Variants in PRKD1 observed in about 807,000 individuals in gnomAD.
The protein encoded by PRKD1 is serine/threonine-protein kinase D1.
PRKD1 carries 63 observed loss-of-function variants against 95.9 expected under a neutral mutation model. The observed-to-expected ratio is 0.66, with a 90% confidence interval of 0.54 to 0.81. The LOEUF (loss-of-function observed/expected upper bound fraction) is 0.81. PRKD1 is among the 30% of genes least tolerant of loss of function. The pLI is 0.00. For synonymous variants in PRKD1, 425 were observed against 423.1 expected (o/e 1.00, Z -0.05); for missense variants, 1,048 against 1,165.3 (o/e 0.90, Z 1.47).
At chr14:29,731,883 T>TTA (rs1555339686) in intron 1 of PRKD1, among the ~76,000 whole-genome samples, 2 of 118,200 alleles carry the variant, frequency 1.7e-5, no homozygotes, top group Admixed American at 8.0e-5. Context: ...TTTTTTTTTT[T>TTA]TTTTTTTTGA....
intron 7 of PRKD1, among the ~76,000 whole-genome samples, chr14:29,635,806 A>T (rs557518770): frequency 6.6e-6 from 1 of 152,292 alleles, no homozygotes; most frequent in East Asian, 1.9e-4. Context: ...AGTGGGGATC[A>T]TCCAGTAACC....
intron 1 of PRKD1, among the ~76,000 whole-genome samples, chr14:29,752,354 G>T (rs1436105345): frequency 6.6e-6 from 1 of 151,932 alleles, no homozygotes; most frequent in African/African-American, 2.4e-5. Flanking sequence ...TTTAACAAAA[G>T]GATAATAAAT....
rs192170996 is a variant in PRKD1 at position 29,781,169 on chromosome 14, T to C, written c.265-55495A>G. 6.1e-5 allele frequency among the ~76,000 whole-genome samples: 9 copies of C among 147,480 alleles called. No individual in the cohort carries two copies. The East Asian group carries it at 1.7e-3, about 28-fold the overall frequency. On this transcript the variant is annotated intron_variant, in intron 1 of 17. Transcript: ENST00000331968. ...TGGGGGGAGGGAGGAGGGATAGCAT[T>C]AGGAGATATACCTAATGTAAATGAC...
At chr14:29,647,251 T>A (rs1003627360) in intron 4 of PRKD1, among the ~76,000 whole-genome samples, 1 of 152,172 alleles carries the variant, frequency 6.6e-6, no homozygotes, top group African/African-American at 2.4e-5. Context: ...GCTAAAGTAA[T>A]CGTGGAAGTT....
rs1439278028 is a variant in PRKD1, at chr14:29,725,712, A to G, written c.265-38T>C. On this transcript the variant is annotated intron_variant, in intron 1 of 17. Coordinates refer to ENST00000331968, the MANE Select transcript of PRKD1 (RefSeq NM_002742.3). ...ATACCATGAGAGTGTAAATGTCAAA[A>G]TCCTTCCAAATATTTTGTTTTAAAT... 5.7e-6 allele frequency: 9 copies of G among 1,589,352 alleles called. No homozygotes were observed. The African/African-American group carries it at 8.1e-5, about 14-fold the overall frequency.
chr14:29,841,003 A>G (rs1373187206), intron 1 of PRKD1, among the ~76,000 whole-genome samples: 1 of 152,216 alleles, frequency 6.6e-6, no homozygotes, highest in Non-Finnish European at 1.5e-5. Flanking sequence ...CATGGAGTCA[A>G]AGAGGATCAT....
rs560725431 is a variant in PRKD1, at chr14:29,763,043, C to T, written c.265-37369G>A. Among the ~76,000 whole-genome samples, 73 of 148,850 alleles carry T rather than the reference C, an allele frequency of 4.9e-4. 3 individuals carry two copies. In the South Asian group the frequency reaches 0.015, roughly 30 times the overall value. ...ACAGGCATGAGCCACTGCACCCAGC[C>T]TATGCTAAGGTGTTTAAAAAGTAAA... On this transcript the variant is annotated intron_variant, in intron 1 of 17. Coordinates refer to ENST00000331968, the MANE Select transcript of PRKD1 (RefSeq NM_002742.3).
chr14:29,603,300 G>A (rs1893589613), intron 13 of PRKD1, among the ~76,000 whole-genome samples: 1 of 152,138 alleles, frequency 6.6e-6, no homozygotes, highest in East Asian at 1.9e-4. Context: ...TATTGTATAT[G>A]GTTGAGACAA....
At chr14:29,851,837 C>A (rs376704031) in intron 1 of PRKD1, among the ~76,000 whole-genome samples, 76 of 152,234 alleles carry the variant, frequency 5.0e-4, no homozygotes, top group African/African-American at 1.7e-3. Context: ...ACGTAGGCAC[C>A]CTTCAACAGT....
At chr14:29,732,623 T>C (rs1243660670) in intron 1 of PRKD1, among the ~76,000 whole-genome samples, 4 of 152,216 alleles carry the variant, frequency 2.6e-5, no homozygotes, top group African/African-American at 4.8e-5. Context: ...TGATGAATTT[T>C]CTTTAGTATT....
intron 1 of PRKD1, among the ~76,000 whole-genome samples, chr14:29,892,758 T>C (rs1352736557): frequency 6.6e-6 from 1 of 152,156 alleles, no homozygotes; most frequent in Non-Finnish European, 1.5e-5. Context: ...TAAAACTGAT[T>C]ATTAGAATGA....
At chr14:29,811,854 A>G (rs913605073) in intron 1 of PRKD1, 19 of 152,176 alleles carry the variant, frequency 1.2e-4, no homozygotes, top group Admixed American at 9.2e-4. Flanking sequence ...ATAACACCCC[A>G]AACAATTGCT....
intron 1 of PRKD1, among the ~76,000 whole-genome samples, chr14:29,895,641 T>C (rs1441729795): frequency 6.6e-6 from 1 of 152,028 alleles, no homozygotes; most frequent in Non-Finnish European, 1.5e-5. Context: ...ACCTCTCTTA[T>C]CTCATCTCCC....
At chr14:29,891,432 T>TGCATGCAC (rs1566657502) in intron 1 of PRKD1, among the ~76,000 whole-genome samples, 2 of 152,236 alleles carry the variant, frequency 1.3e-5, no homozygotes, top group Non-Finnish European at 2.9e-5. Flanking sequence ...TCCTGCCTCA[T>TGCATGCAC]GCATGCACGC....
chr14:29,915,475 G>A (rs1894859139), intron 1 of PRKD1, among the ~76,000 whole-genome samples: 1 of 151,962 alleles, frequency 6.6e-6, no homozygotes, highest in Non-Finnish European at 1.5e-5. Flanking sequence ...TTCTAAAAGA[G>A]ATATAAAAAT....
rs557499258 is a variant in PRKD1, at chr14:29,647,735, A to G, written c.697-8831T>C. The stretch of plus-strand genomic sequence containing the variant: ...CCTCTCCCTTCAAAAATGGCCCATA[A>G]GGATAACTTTATAGTGTTGCAGGAA... On this transcript the variant is annotated intron_variant, in intron 4 of 17. Coordinates refer to ENST00000331968, the MANE Select transcript of PRKD1 (RefSeq NM_002742.3). Among the ~76,000 whole-genome samples, 38 of 152,338 alleles carry G rather than the reference A, an allele frequency of 2.5e-4. No individual in the cohort carries two copies. In the South Asian group the frequency reaches 7.7e-3, roughly 31 times the overall value.
intron 1 of PRKD1, among the ~76,000 whole-genome samples, chr14:29,737,498 T>C (rs910577583): frequency 3.9e-5 from 6 of 152,128 alleles, no homozygotes; most frequent in African/African-American, 1.4e-4. Context: ...CTCAAGTCAT[T>C]TTCCAAGAAC....
intron 4 of PRKD1, among the ~76,000 whole-genome samples, chr14:29,644,747 T>C (rs1881017272): frequency 6.6e-6 from 1 of 152,158 alleles, no homozygotes; most frequent in Non-Finnish European, 1.5e-5. Context: ...GCACTTTACA[T>C]GGATTTCATT....
At chr14:29,748,088 A>G (rs114597292) in intron 1 of PRKD1, among the ~76,000 whole-genome samples, 2,344 of 152,248 alleles carry the variant, frequency 0.015, 30 homozygotes, top group African/African-American at 0.045. Context: ...AATGCACTCA[A>G]TATACTTTTT....
Sources: gnomAD v4.1 joint callset for allele counts (sites outside exome capture counted in the v4.1 genomes callset) on GRCh38, gnomAD v4.1.1 for gene constraint, MANE v1.5 for transcripts, NCBI Gene and HGNC (gene_info 2026-07-23, HGNC 2026-07-21) for gene names.